Variants in NALF1 observed in about 807,000 individuals in gnomAD.
The protein encoded by NALF1 is family with sequence similarity 155 member A.
In NALF1, 3 loss-of-function variants were observed where a neutral mutation model predicts 48.4. That is an observed-to-expected ratio of 0.06 (90% CI 0.03 to 0.16). NALF1 has a LOEUF of 0.16. NALF1 is among the 10% of genes least tolerant of loss of function. The pLI, the probability that NALF1 is intolerant of heterozygous loss-of-function variation, is 1.00. For synonymous variants in NALF1, 262 were observed against 245.7 expected (o/e 1.07, Z -0.62); for missense variants, 526 against 571.5 (o/e 0.92, Z 0.81).
chr13:107,294,775 T>C (rs1881693065), intron 1 of NALF1, among the ~76,000 whole-genome samples: 2 of 152,206 alleles, frequency 1.3e-5, no homozygotes, highest in Admixed American at 1.3e-4. Context: ...CTTCTCATTG[T>C]TTCTTTAGAC....
intron 1 of NALF1, among the ~76,000 whole-genome samples, chr13:107,741,096 C>T (rs976739491): frequency 3.3e-5 from 5 of 152,118 alleles, no homozygotes; most frequent in East Asian, 1.9e-4. Flanking sequence ...AATTATAATA[C>T]AACAAAATAA....
chr13:107,507,381 T>C (rs16970376), intron 1 of NALF1, among the ~76,000 whole-genome samples: 3,381 of 152,102 alleles, frequency 0.022, 120 homozygotes, highest in African/African-American at 0.078. Context: ...TGTTTCTAAC[T>C]AGCCCAGAGG....
At chr13:107,722,993 G>A (rs1357783190) in intron 1 of NALF1, among the ~76,000 whole-genome samples, 1 of 152,144 alleles carries the variant, frequency 6.6e-6, no homozygotes, top group Non-Finnish European at 1.5e-5. Flanking sequence ...AATTTTCCAC[G>A]TATTTATCAG....
intron 1 of NALF1, among the ~76,000 whole-genome samples, chr13:107,490,247 C>T (rs752320140): frequency 2.0e-5 from 3 of 152,126 alleles, no homozygotes; most frequent in Non-Finnish European, 4.4e-5. Context: ...AAATACAAGT[C>T]GTTCTATTAC....
At chr13:107,781,489 T>C (rs1238032036) in intron 1 of NALF1, among the ~76,000 whole-genome samples, 1 of 152,128 alleles carries the variant, frequency 6.6e-6, no homozygotes, top group Admixed American at 6.6e-5. Context: ...CTCTGTCTCC[T>C]TTCTAACTCC....
intron 1 of NALF1, among the ~76,000 whole-genome samples, chr13:107,752,385 A>T (rs1392000544): frequency 6.6e-6 from 1 of 152,186 alleles, no homozygotes; most frequent in Non-Finnish European, 1.5e-5. Flanking sequence ...AAGGTATACA[A>T]GAAAATTTGT....
intron 1 of NALF1, among the ~76,000 whole-genome samples, chr13:107,648,785 T>C (rs1880375753): frequency 6.6e-6 from 1 of 152,216 alleles, no homozygotes; most frequent in South Asian, 2.1e-4. Flanking sequence ...CTGAACCATT[T>C]TGCATTCTCC....
chr13:107,341,100 T>A (rs1049471243), intron 1 of NALF1, among the ~76,000 whole-genome samples: 1 of 150,940 alleles, frequency 6.6e-6, no homozygotes, highest in Non-Finnish European at 1.5e-5. Context: ...ACATGCTGGA[T>A]AATGGCAGTG....
chr13:107,523,044 G>C (rs1876298729), intron 1 of NALF1, among the ~76,000 whole-genome samples: 1 of 152,134 alleles, frequency 6.6e-6, no homozygotes, highest in Admixed American at 6.5e-5. Flanking sequence ...CTACCATTTG[G>C]TAATTGTTAC....
chr13:107,517,587 G>A (rs536859693), intron 1 of NALF1, among the ~76,000 whole-genome samples: 12 of 152,090 alleles, frequency 7.9e-5, no homozygotes, highest in Admixed American at 4.6e-4. Flanking sequence ...AGCCAAGATC[G>A]CGCCACTGCT....
At position 107,847,514 on chromosome 13, in the gene NALF1, A is replaced by G. The variant is rs555386763; in HGVS notation, c.915+18168T>C. On this transcript the variant is annotated intron_variant, in intron 1 of 2. Transcript: ENST00000375915. ...AATGTCAGTCTCGTGATGACATTAC[A>G]TAAGATTGAAACATCTGTCTTACTG... is the stretch of plus-strand genomic sequence containing the variant. Among the ~76,000 whole-genome samples the G allele has an allele frequency of 7.2e-5, 11 of 152,344 alleles. No homozygotes were observed. The South Asian group carries it at 2.3e-3, about 32-fold the overall frequency.
At chr13:107,301,168 A>G (rs996728085) in intron 1 of NALF1, among the ~76,000 whole-genome samples, 13 of 152,150 alleles carry the variant, frequency 8.5e-5, no homozygotes, top group Non-Finnish European at 1.5e-5. Context: ...CTAGTTCCCC[A>G]CTGTAATTCC....
intron 1 of NALF1, among the ~76,000 whole-genome samples, chr13:107,742,184 C>T (rs1044445749): frequency 1.3e-5 from 2 of 152,154 alleles, no homozygotes; most frequent in East Asian, 1.9e-4. Context: ...CTCCTGCAAT[C>T]GCCTTGTCCT....
intron 1 of NALF1, among the ~76,000 whole-genome samples, chr13:107,798,093 A>G (rs1878488572): frequency 6.6e-6 from 1 of 152,190 alleles, no homozygotes; most frequent in African/African-American, 2.4e-5. Flanking sequence ...GATGTATAAT[A>G]AAGGATTCAT....
chr13:107,508,211 T>A (rs1428076943), intron 1 of NALF1, among the ~76,000 whole-genome samples: 1 of 152,118 alleles, frequency 6.6e-6, no homozygotes, highest in African/African-American at 2.4e-5. Flanking sequence ...AAGCAATGTT[T>A]CAGCTCTTTA....
intron 1 of NALF1, among the ~76,000 whole-genome samples, chr13:107,515,736 G>A (rs1876032564): frequency 6.6e-6 from 1 of 152,166 alleles, no homozygotes; most frequent in African/African-American, 2.4e-5. Flanking sequence ...CCACACCCTA[G>A]GAGCTGAGAC....
intron 1 of NALF1, among the ~76,000 whole-genome samples, chr13:107,629,334 A>C (rs905836748): frequency 6.6e-6 from 1 of 152,130 alleles, no homozygotes; most frequent in African/African-American, 2.4e-5. Flanking sequence ...GACCAAACAA[A>C]ATCTTTGAGA....
chr13:107,605,901 C>A (rs1258718964), intron 1 of NALF1, among the ~76,000 whole-genome samples: 1 of 152,166 alleles, frequency 6.6e-6, no homozygotes. Flanking sequence ...CCAGTTAATT[C>A]ATTCCAAAAA....
intron 1 of NALF1, among the ~76,000 whole-genome samples, chr13:107,862,361 A>G (rs1880594204): frequency 6.6e-6 from 1 of 152,118 alleles, no homozygotes; most frequent in Admixed American, 6.5e-5. Context: ...GTAACTTAGA[A>G]TATTTCATTT....
Sources: allele counts gnomAD v4.1 joint callset (sites outside exome capture counted in the v4.1 genomes callset), GRCh38; gene constraint gnomAD v4.1.1; transcripts MANE v1.5; gene names NCBI Gene and HGNC (gene_info 2026-07-23, HGNC 2026-07-21).